The following NUSAP1 variants were observed in gnomAD, a reference collection of about 807,000 sequenced individuals.
The protein encoded by NUSAP1 is nucleolar and spindle-associated protein 1.
In NUSAP1, 32 loss-of-function variants were observed where a neutral mutation model predicts 52.8. That is an observed-to-expected ratio of 0.61 (90% confidence interval 0.46 to 0.81). The LOEUF (loss-of-function observed/expected upper bound fraction) is 0.81. NUSAP1 is among the 40% of genes least tolerant of loss of function. The pLI, the probability that NUSAP1 is intolerant of heterozygous loss-of-function variation, is 0.00. For synonymous variants in NUSAP1, 195 were observed against 183.1 expected (o/e 1.06, Z -0.52); for missense variants, 499 against 522.3 (o/e 0.96, Z 0.43).
chr15:41,356,504 T>C (rs974680693), intron 5 of NUSAP1, among the ~76,000 whole-genome samples: 2 of 151,812 alleles, frequency 1.3e-5, no homozygotes, highest in Non-Finnish European at 2.9e-5. Flanking sequence ...ACAGGTGTGC[T>C]CCACCACGCC....
At chr15:41,374,786 A>G (rs1215565267) in intron 8 of NUSAP1, among the ~76,000 whole-genome samples, 2 of 151,870 alleles carry the variant, frequency 1.3e-5, no homozygotes, top group African/African-American at 4.8e-5. Context: ...CGGCCTCCCA[A>G]AGTGCTGGGA....
chr15:41,379,017 G>A (rs1323321485), intron 10 of NUSAP1, among the ~76,000 whole-genome samples: 1 of 135,480 alleles, frequency 7.4e-6, no homozygotes, highest in Non-Finnish European at 1.5e-5. Flanking sequence ...GTGGTGGTGC[G>A]ATCTTGGCTC....
At position 41,350,989 on chromosome 15, in the gene NUSAP1, A is replaced by G. The variant is rs772787580; in HGVS notation, c.308A>G (p.Gln103Arg). Residue 103 changes from glutamine to arginine, a missense_variant and splice_region_variant, in exon 4 of 11, where the codon CAG becomes CGG. By Grantham distance (43) the Gln-to-Arg change is conservative. Transcript: ENST00000559596. ...KTVRVDPDSQ[Q>R]NHSEIKISNP... is the part of the protein sequence containing the mutation. ...TTTATTTCCTTTTTAAATTTGTAGC[A>G]GAATCATTCAGAGATAAAAATAAGT... The G allele has an allele frequency of 1.4e-5, 22 of 1,597,072 alleles. No individual in the cohort carries two copies. The African/African-American group carries it at 2.8e-4, about 21-fold the overall frequency.
At chr15:41,350,933 A>G in intron 3 of NUSAP1, 55 bp from the exon 4 acceptor site, 1 of 1,463,052 alleles carries the variant, frequency 6.8e-7, no homozygotes, top group Non-Finnish European at 9.3e-7. Context: ...TATCTTTGGA[A>G]GGCAGCAATT....
intron 9 of NUSAP1, 149 bp from the exon 10 acceptor site, chr15:41,377,047 C>A (rs2049969007): frequency 1.9e-6 from 1 of 534,810 alleles, no homozygotes; most frequent in African/African-American, 2.0e-5. Context: ...CACCACTGCA[C>A]TCCAAACTGA....
rs768737530 is a variant in NUSAP1, at chr15:41,365,400, AG to A, written c.661-1del. On this transcript the variant is annotated splice_acceptor_variant, in intron 6 of 10. Transcript: ENST00000559596. LOFTEE classifies it high-confidence loss of function. Reference sequence around the variant, plus strand: ...TTTTAAAATGATGCATTTTCTCTTCAGCAGCAGCCCATCAATAAGGGAGGGG... The same window carrying A: ...TTTTAAAATGATGCATTTTCTCTTCACAGCAGCCCATCAATAAGGGAGGGG... 2.5e-6 allele frequency: 4 copies of A among 1,599,520 alleles called. No homozygotes were observed. The highest frequency in any genetic ancestry group is 1.7e-4 in the Middle Eastern group (1 of 6,002).
chr15:41,345,303 ACTTT>A (rs1292938700), intron 2 of NUSAP1, among the ~76,000 whole-genome samples: 1 of 151,398 alleles, frequency 6.6e-6, no homozygotes, highest in East Asian at 2.0e-4. Flanking sequence ...CTCCTCTTTT[ACTTT>A]CTTCTCCGTG....
intron 1 of NUSAP1, among the ~76,000 whole-genome samples, chr15:41,333,343 C>T (rs1180117937): frequency 1.3e-5 from 2 of 152,022 alleles, no homozygotes; most frequent in African/African-American, 4.8e-5. Context: ...TACTGTATAC[C>T]TCTCAGGGCG....
rs77935021 is a variant in NUSAP1, at chr15:41,372,327, C to T, written c.1006+643C>T. ...AGGTCCTGGAGGACTCTGACACTAA[C>T]AGGATCCCAGACCACAGACTTCATG... On this transcript the variant is annotated intron_variant, in intron 8 of 10. Transcript: ENST00000559596. 5.9e-3 allele frequency among the ~76,000 whole-genome samples: 894 copies of T among 152,278 alleles called. 10 individuals carry two copies. Among genetic ancestry groups the T allele is most frequent in the African/African-American group, 0.02 (848 of 41,576 alleles).
intron 1 of NUSAP1, among the ~76,000 whole-genome samples, chr15:41,335,951 A>G (rs2140496993): frequency 6.6e-6 from 1 of 150,980 alleles, no homozygotes; most frequent in African/African-American, 2.4e-5. Context: ...TAATTTTACT[A>G]GTATGATATT....
At chr15:41,378,983 T>C (rs1046653526) in intron 10 of NUSAP1, among the ~76,000 whole-genome samples, 2 of 125,304 alleles carry the variant, frequency 1.6e-5, no homozygotes, top group African/African-American at 6.4e-5. Context: ...AGATGGAGTC[T>C]CGCTCTGATG....
At chr15:41,371,954 G>T (rs914348722) in intron 8 of NUSAP1, among the ~76,000 whole-genome samples, 1 of 151,994 alleles carries the variant, frequency 6.6e-6, no homozygotes, top group African/African-American at 2.4e-5. Flanking sequence ...ATTTTTAATA[G>T]AGACAGTTTC....
At chr15:41,333,081 G>T (rs376013720) in intron 1 of NUSAP1, 31 bp downstream of exon 1, 1 of 1,551,740 alleles carries the variant, frequency 6.4e-7, no homozygotes, top group South Asian at 1.1e-5. Flanking sequence ...GTCCCTGGGC[G>T]GGCGCGGCGG....
At chr15:41,374,581 G>A (rs1040261575) in intron 8 of NUSAP1, among the ~76,000 whole-genome samples, 1 of 152,102 alleles carries the variant, frequency 6.6e-6, no homozygotes. Context: ...AGGCTGGAGT[G>A]CTGTGGTGCA....
intron 10 of NUSAP1, 29 bp from the exon 11 acceptor site, chr15:41,380,064 G>A: frequency 6.6e-7 from 1 of 1,521,040 alleles, no homozygotes; most frequent in Non-Finnish European, 8.9e-7. Context: ...AGCCTCCCTA[G>A]AGCTTAATGT....
chr15:41,379,957 C>T, intron 10 of NUSAP1, 136 bp from the exon 11 acceptor site: 1 of 607,068 alleles, frequency 1.6e-6, no homozygotes, highest in Non-Finnish European at 2.9e-6. Flanking sequence ...GAGCACAGTG[C>T]CCTCTAAGAG....
intron 9 of NUSAP1, among the ~76,000 whole-genome samples, chr15:41,376,705 T>A (rs2049952639): frequency 6.7e-6 from 1 of 150,182 alleles, no homozygotes; most frequent in South Asian, 2.1e-4. Flanking sequence ...ATTTAAAAAA[T>A]AATAATAATT....
Position 41,351,009 on chromosome 15 carries a change from A to G in NUSAP1, c.328A>G (p.Ile110Val). The G allele has an allele frequency of 6.2e-7, 1 of 1,609,804 alleles. No individual in the cohort carries two copies. The highest frequency in any genetic ancestry group is 8.5e-7 in the Non-Finnish European group (1 of 1,178,546). Residue 110 changes from isoleucine to valine, a missense_variant, in exon 4 of 11, where the codon ATA becomes GTA. Coordinates refer to ENST00000559596, the MANE Select transcript of NUSAP1 (RefSeq NM_016359.5). ...DSQQNHSEIK[I>V]SNPTEFQNHE... ...GTAGCAGAATCATTCAGAGATAAAA[A>G]TAAGTAATCCCACTGAATTCCAGAA...
At chr15:41,341,000 A>T (rs2048346702) in intron 1 of NUSAP1, among the ~76,000 whole-genome samples, 1 of 152,204 alleles carries the variant, frequency 6.6e-6, no homozygotes, top group African/African-American at 2.4e-5. Context: ...CTTGAGAAGG[A>T]TGGCTGTGGC....
Sources: allele counts gnomAD v4.1 joint callset (sites outside exome capture counted in the v4.1 genomes callset), GRCh38; gene constraint gnomAD v4.1.1; transcripts MANE v1.5; gene names NCBI Gene and HGNC (gene_info 2026-07-23, HGNC 2026-07-21).